Variants in ELAVL1 observed in about 807,000 individuals in gnomAD.
ELAVL1 encodes ELAV-like protein 1.
Under a neutral mutation model 28.4 loss-of-function variants are expected in ELAVL1, and 1 was observed. The ratio of observed to expected loss-of-function variants is 0.04; its 90% CI spans 0.01 to 0.17. The LOEUF is 0.17. Among genes scored for constraint, ELAVL1 ranks in the 10% least tolerant of loss-of-function variants. ELAVL1 has a pLI of 1.00. For missense variants in ELAVL1, 157 were observed against 447.2 expected (o/e 0.35, Z 5.85); for synonymous variants, 174 against 183.5 (o/e 0.95, Z 0.42).
intron 1 of ELAVL1, among the ~76,000 whole-genome samples, chr19:8,004,021 T>G (rs929294537): frequency 1.3e-5 from 2 of 152,184 alleles, no homozygotes; most frequent in African/African-American, 4.8e-5. Flanking sequence ...GCCACTTTAG[T>G]GCATGAGACT....
At chr19:7,972,727 A>C (rs1323805656) in intron 4 of ELAVL1, among the ~76,000 whole-genome samples, 1 of 150,854 alleles carries the variant, frequency 6.6e-6, no homozygotes, top group Non-Finnish European at 1.5e-5. Context: ...CCTGGGCTCA[A>C]GCAATCCTCC....
Position 7,991,699 on chromosome 19 carries a change from C to T in ELAVL1, c.117G>A (p.Leu39=). The change falls in exon 2 of 6, where the codon CTG becomes CTA. Residue 39 remains leucine (L), a synonymous_variant. Coordinates refer to ENST00000407627, the MANE Select transcript of ELAVL1 (RefSeq NM_001419.3). ...QNMTQDELRS[L]FSSIGEVESA... is the part of the protein sequence containing the mutation. ...ATTCAACTTCACCAATGCTGCTGAA[C>T]AGGCTTCGTAACTCATCCTGGGTCA... The T allele has an allele frequency of 1.9e-6, 3 of 1,613,968 alleles. No individual in the cohort carries two copies. The highest frequency in any genetic ancestry group is 2.5e-6 in the Non-Finnish European group (3 of 1,179,976).
rs1198880492 is a variant in ELAVL1 at position 7,962,801 on chromosome 19, T to G, written c.*682A>C. The G allele has an allele frequency of 6.5e-6, 1 of 152,704 alleles. No individual in the cohort carries two copies. The highest frequency in any genetic ancestry group is 1.5e-5 in the Non-Finnish European group (1 of 68,058). 9.5% of individuals were successfully genotyped at this position (152,704 alleles called of 1,614,324 possible). On this transcript the variant is annotated 3_prime_UTR_variant, in exon 6 of 6. Transcript: ENST00000407627. ...GAATATACTGGAGTTTCCCTGAAACTCTTTGGTCCATTCCCATTGGTGCCT... is the reference window on the plus strand; with the variant it reads ...GAATATACTGGAGTTTCCCTGAAACGCTTTGGTCCATTCCCATTGGTGCCT...
At chr19:7,983,464 C>T (rs1985519650) in intron 2 of ELAVL1, among the ~76,000 whole-genome samples, 1 of 152,156 alleles carries the variant, frequency 6.6e-6, no homozygotes, top group African/African-American at 2.4e-5. Flanking sequence ...GGGAGGGACT[C>T]GGGATGGCAA....
rs537420129 is a variant in ELAVL1 at position 7,995,386 on chromosome 19, C to T, written c.-16-3555G>A. On this transcript the variant is annotated intron_variant, in intron 1 of 5. Transcript: ENST00000407627. ...TTTTCCCTCATTCTGCTTTCATGGA[C>T]GGTGAGATGGACAATGGCTGTCCCA... is the stretch of plus-strand genomic sequence containing the variant. 4.6e-5 allele frequency among the ~76,000 whole-genome samples: 7 copies of T among 152,228 alleles called. No individual in the cohort carries two copies. The East Asian group carries it at 5.8e-4, about 13-fold the overall frequency.
intron 1 of ELAVL1, among the ~76,000 whole-genome samples, chr19:8,003,366 A>G (rs1347371985): frequency 5.8e-4 from 81 of 138,808 alleles, no homozygotes; most frequent in Non-Finnish European, 1.1e-3. Flanking sequence ...AAAAAAAAAA[A>G]AAAAAAAAGA....
chr19:7,976,165 G>A (rs1376088692), intron 3 of ELAVL1, among the ~76,000 whole-genome samples: 1 of 151,588 alleles, frequency 6.6e-6, no homozygotes, highest in African/African-American at 2.4e-5. Context: ...CACTTTGGGA[G>A]GCCGAGGCGG....
At chr19:7,994,132 A>C (rs557240846) in intron 1 of ELAVL1, among the ~76,000 whole-genome samples, 57 of 152,346 alleles carry the variant, frequency 3.7e-4, no homozygotes, top group African/African-American at 1.3e-3. Context: ...GTACAGCAAA[A>C]GGCATCACAG....
chr19:7,998,884 C>G (rs978161814), intron 1 of ELAVL1, among the ~76,000 whole-genome samples: 37 of 152,190 alleles, frequency 2.4e-4, no homozygotes, highest in Non-Finnish European at 5.0e-4. Context: ...ACTGCAGCCT[C>G]AAACTGCCTC....
At chr19:7,986,403 G>A (rs1599674669) in intron 2 of ELAVL1, among the ~76,000 whole-genome samples, 1 of 152,234 alleles carries the variant, frequency 6.6e-6, no homozygotes, top group East Asian at 1.9e-4. Flanking sequence ...TACAAAAGTA[G>A]TACAAACAAC....
chr19:7,976,676 A>G (rs1985302706), intron 3 of ELAVL1, among the ~76,000 whole-genome samples: 1 of 151,942 alleles, frequency 6.6e-6, no homozygotes, highest in Admixed American at 6.6e-5. Context: ...GTGAGTTGAT[A>G]CCCTTCTTCT....
chr19:7,996,216 C>T (rs1359331513), intron 1 of ELAVL1, among the ~76,000 whole-genome samples: 1 of 148,848 alleles, frequency 6.7e-6, no homozygotes, highest in Non-Finnish European at 1.5e-5. Context: ...GAGTCTTGCT[C>T]TGTCACCCAG....
chr19:7,975,775 G>A (rs976521546), intron 3 of ELAVL1, among the ~76,000 whole-genome samples: 2 of 152,206 alleles, frequency 1.3e-5, no homozygotes, highest in Non-Finnish European at 2.9e-5. Flanking sequence ...CTGGTATAGG[G>A]TGATCTCTAA....
rs1396258623 is a variant in ELAVL1, at chr19:7,961,839, A to G, written c.*1644T>C. The G allele has an allele frequency of 6.6e-6, 1 of 152,194 alleles. No individual in the cohort carries two copies. Among genetic ancestry groups the G allele is most frequent in the African/African-American group, 2.4e-5 (1 of 41,432 alleles). The allele number at this position is 152,194 out of a possible 1,614,324, so 9.4% of individuals were successfully genotyped here. ...GCCTATTGCTCAATTTCACACTTCAATAAATAAATACATAAATAGGTATAA... is the reference window on the plus strand; with the variant it reads ...GCCTATTGCTCAATTTCACACTTCAGTAAATAAATACATAAATAGGTATAA... On this transcript the variant is annotated 3_prime_UTR_variant, in exon 6 of 6. Transcript: ENST00000407627.
At position 7,981,061 on chromosome 19, in the gene ELAVL1, G is replaced by C; in HGVS notation, c.276+22C>G. ...CTGTGCCCAGGGCAGGAATGGATGC[G>C]GTGGTGATCAGATCCCTTTACCTTA... On this transcript the variant is annotated intron_variant, in intron 3 of 5. Transcript: ENST00000407627. This position sits in a 1 kb window ranked among gnomAD's most constrained non-coding sequence, Gnocchi z 4.2. 4 of 1,610,474 alleles carry C rather than the reference G, an allele frequency of 2.5e-6. No individual in the cohort carries two copies. The highest frequency in any genetic ancestry group is 3.4e-6 in the Non-Finnish European group (4 of 1,176,926).
intron 3 of ELAVL1, among the ~76,000 whole-genome samples, chr19:7,980,354 G>C (rs1985424100): frequency 6.6e-6 from 1 of 152,180 alleles, no homozygotes; most frequent in Non-Finnish European, 1.5e-5. Context: ...CTTGATACAG[G>C]TGGCAGGAGC....
rs2085845812 is a variant in ELAVL1 at position 7,963,677 on chromosome 19, T to A, written c.787A>T (p.Met263Leu). The change falls in exon 6 of 6, where the codon ATG becomes TTG. Residue 263 changes from methionine (M) to leucine (L), a missense_variant. Physicochemically the swap from Met to Leu is conservative, Grantham distance 15 (BLOSUM62 2). This residue lies in a region of ELAVL1 where 107 missense variants were observed against 310.4 expected (regional missense o/e 0.34). Coordinates refer to ENST00000407627, the MANE Select transcript of ELAVL1 (RefSeq NM_001419.3). The surrounding 1 kb of genome is among the most constrained non-coding windows in gnomAD (Gnocchi z 4.5). Reference protein sequence around the residue: ...QDADEGILWQMFGPFGAVTNV... With the variant: ...QDADEGILWQLFGPFGAVTNV... ...GTGACGGCACCAAACGGCCCAAACA[T>A]CTGCCAGAGGATCCCCTCGTCGGCA... is the stretch of plus-strand genomic sequence containing the variant. 6.2e-7 allele frequency: 1 copy of A among 1,614,144 alleles called. No homozygotes were observed. The highest frequency in any genetic ancestry group is 1.3e-5 in the African/African-American group (1 of 74,962).
chr19:7,986,698 C>A (rs1488336243), intron 2 of ELAVL1, among the ~76,000 whole-genome samples: 1 of 152,184 alleles, frequency 6.6e-6, no homozygotes, highest in Non-Finnish European at 1.5e-5. Flanking sequence ...TTTATGTCAG[C>A]AGGGCTTTCA....
intron 1 of ELAVL1, among the ~76,000 whole-genome samples, chr19:7,999,354 C>T (rs1745046814): frequency 6.6e-6 from 1 of 152,184 alleles, no homozygotes; most frequent in Non-Finnish European, 1.5e-5. Context: ...GCCTGGGCAA[C>T]AGAGTGAGAC....
Sources: allele counts gnomAD v4.1 joint callset (sites outside exome capture counted in the v4.1 genomes callset), GRCh38; gene constraint gnomAD v4.1.1; regional missense constraint gnomAD v4.1.1; non-coding constraint Gnocchi (gnomAD v3.1); transcripts MANE v1.5; gene names NCBI Gene and HGNC (gene_info 2026-07-23, HGNC 2026-07-21).